SPTA1: variants seen among roughly 807,000 people sequenced by gnomAD.
SPTA1 encodes the protein spectrin alpha chain, erythrocytic 1.
Under a neutral mutation model 324.7 loss-of-function variants are expected in SPTA1, and 177 were observed. The observed-to-expected ratio is 0.55, with a 90% CI of 0.48 to 0.62. The LOEUF is 0.62. Among genes scored for constraint, SPTA1 ranks in the 20% least tolerant of loss-of-function variants. SPTA1 has a pLI of 0.00. For missense variants in SPTA1, 3,162 were observed against 2,883.6 expected, an observed-to-expected ratio of 1.10 and a Z score of -2.21; for synonymous variants, 1,195 against 1,041.3, an observed-to-expected ratio of 1.15 and a Z score of -2.84.
At position 158,674,386 on chromosome 1, in the gene SPTA1, C is replaced by G. The variant is rs1300563890; in HGVS notation, c.1293G>C (p.Glu431Asp). The change falls in exon 10 of 52, where the codon GAG becomes GAC. Residue 431 changes from glutamate to aspartate, a missense_variant. Transcript: ENST00000643759. ...TGGCATTCACGAGGTCTTGACCAGT[C>G]TCATCAGCAGATTGAAATCGGTCAT... is the stretch of plus-strand genomic sequence containing the variant. The part of the protein sequence containing the change: ...SYDDRFQSAD[E>D]TGQDLVNANH... 1.2e-6 allele frequency: 2 copies of G among 1,614,108 alleles called. No homozygotes were observed. Among genetic ancestry groups the G allele is most frequent in the East Asian group, 2.2e-5 (1 of 44,888 alleles).
At chr1:158,630,719 T>G (rs1476860544) in intron 39 of SPTA1, among the ~76,000 whole-genome samples, 1 of 151,878 alleles carries the variant, frequency 6.6e-6, no homozygotes, top group Non-Finnish European at 1.5e-5. Context: ...GAATGAGAGT[T>G]AATACTTATA....
intron 50 of SPTA1, 22 bp downstream of exon 50, chr1:158,613,699 T>A (rs1326609902): frequency 6.2e-7 from 1 of 1,613,602 alleles, no homozygotes; most frequent in Admixed American, 1.7e-5. Flanking sequence ...TGCTGCGGTC[T>A]GACCCTTAGT....
At chr1:158,625,942 T>C (rs1650237340) in intron 42 of SPTA1, among the ~76,000 whole-genome samples, 1 of 150,446 alleles carries the variant, frequency 6.6e-6, no homozygotes. Context: ...GTTGGTTGTC[T>C]AAAAAAAAAT....
chr1:158,612,838 A>T lies in SPTA1; in HGVS notation c.7113T>A (p.Ile2371=). The T allele has an allele frequency of 6.2e-7, 1 of 1,613,888 alleles. No individual in the cohort carries two copies. The highest frequency in any genetic ancestry group is 8.5e-7 in the Non-Finnish European group (1 of 1,179,826). ...GGACCTGCTTCATGTCTTCTTTGGT[A>T]ATATATGACTTGCCCTCTGCCAGGG... ...FQALAEGKSY[I]TKEDMKQALT... The change falls in exon 51 of 52, where the codon ATT becomes ATA. Residue 2371 remains isoleucine, a synonymous_variant. Coordinates refer to ENST00000643759, the MANE Select transcript of SPTA1 (RefSeq NM_003126.4).
chr1:158,681,477 G>A, intron 4 of SPTA1, 50 bp downstream of exon 4: 1 of 1,612,780 alleles, frequency 6.2e-7, no homozygotes, highest in Non-Finnish European at 8.5e-7. Context: ...TGGGGTACCT[G>A]GGACAGAGGA....
Position 158,657,460 on chromosome 1 carries a change from A to G in SPTA1, c.2805+17T>C. 4 of 1,495,582 alleles carry G rather than the reference A, an allele frequency of 2.7e-6. No homozygotes were observed. Among genetic ancestry groups the G allele is most frequent in the Non-Finnish European group, 3.7e-6 (4 of 1,077,570 alleles). The allele number at this position is 1,495,582 out of a possible 1,614,324, so 92.6% of individuals were successfully genotyped here. ...GTTTGTTGAGGATTCACAATGTTAAACCCACCCCCACCTTACCCCAGCTGC... is the reference window on the plus strand; with the variant it reads ...GTTTGTTGAGGATTCACAATGTTAAGCCCACCCCCACCTTACCCCAGCTGC... On this transcript the variant is annotated intron_variant, in intron 19 of 51. Transcript: ENST00000643759.
chr1:158,616,104 CTTT>C (rs982068904), intron 47 of SPTA1, among the ~76,000 whole-genome samples: 1 of 151,886 alleles, frequency 6.6e-6, no homozygotes, highest in Non-Finnish European at 1.5e-5. Flanking sequence ...TGCCTGACAT[CTTT>C]TTTTTAAGTT....
At chr1:158,666,035 G>A (rs1297734673) in intron 16 of SPTA1, among the ~76,000 whole-genome samples, 1 of 152,044 alleles carries the variant, frequency 6.6e-6, no homozygotes, top group East Asian at 1.9e-4. Context: ...AGCACCCCTG[G>A]CTAGATTGGA....
Position 158,685,166 on chromosome 1 carries a change from A to G in SPTA1, c.206T>C (p.Ile69Thr), listed in dbSNP as rs41273531. 1.9e-6 allele frequency: 3 copies of G among 1,613,744 alleles called. No homozygotes were observed. The highest frequency in any genetic ancestry group is 2.5e-6 in the Non-Finnish European group (3 of 1,179,842). The change falls in exon 2 of 52, where the codon ATC (isoleucine) becomes ACC (threonine). Residue 69 changes from isoleucine (I) to threonine (T), a missense_variant. Physicochemically the swap from Ile to Thr is moderately conservative, Grantham distance 89. Coordinates refer to ENST00000643759, the MANE Select transcript of SPTA1 (RefSeq NM_003126.4). ...GGTTAAGATATTGACTTTCTCCATG[A>G]TCCACTTCCCCAGATCATCTGCATC... ...KRDADDLGKW[I>T]MEKVNILTDK...
intron 1 of SPTA1, 125 bp from the exon 2 acceptor site, chr1:158,685,472 C>G: frequency 1.3e-5 from 18 of 1,348,126 alleles, no homozygotes; most frequent in Non-Finnish European, 1.9e-5. Context: ...TTTCTAGGGA[C>G]TATTGTCAGA....
At chr1:158,686,351 A>T in intron 1 of SPTA1, 143 bp downstream of exon 1, 1 of 659,982 alleles carries the variant, frequency 1.5e-6, no homozygotes, top group Middle Eastern at 4.3e-4. Flanking sequence ...GTTCACAAAA[A>T]ATAGTTAAAA....
chr1:158,638,745 C>CAAAAAAAAA (rs34072412), intron 35 of SPTA1, among the ~76,000 whole-genome samples: 2 of 92,192 alleles, frequency 2.2e-5, no homozygotes, highest in South Asian at 4.2e-4. Flanking sequence ...GAGCTGGTAC[C>CAAAAAAAAA]AAAAAAAAAA....
chr1:158,631,068 A>G lies in SPTA1; in HGVS notation c.5566-3345T>C, dbSNP rs558949519. On this transcript the variant is annotated intron_variant, in intron 39 of 51. Transcript: ENST00000643759. ...AACCACTATAAAAAACAGTATGGAG[A>G]TTCCTTAAAGAACTACCACTCAATT... Among the ~76,000 whole-genome samples, 7 of 152,256 alleles carry G rather than the reference A, an allele frequency of 4.6e-5. No homozygotes were observed. The South Asian group carries it at 1.4e-3, about 32-fold the overall frequency.
chr1:158,664,487 A>T (rs1571488888), intron 16 of SPTA1, among the ~76,000 whole-genome samples: 1 of 152,126 alleles, frequency 6.6e-6, no homozygotes, highest in Non-Finnish European at 1.5e-5. Flanking sequence ...ATGACAACAC[A>T]TGGACACAGG....
chr1:158,667,724 A>G (rs1653712128), intron 15 of SPTA1, 134 bp downstream of exon 15: 1 of 928,942 alleles, frequency 1.1e-6, no homozygotes, highest in South Asian at 1.7e-5. Flanking sequence ...TACCAATAAA[A>G]GAAAGACACA....
intron 10 of SPTA1, among the ~76,000 whole-genome samples, chr1:158,673,935 T>C (rs926324290): frequency 2.6e-5 from 4 of 152,206 alleles, no homozygotes; most frequent in East Asian, 1.9e-4. Flanking sequence ...AAAAATTCCA[T>C]CTGTACTGAG....
rs1476045310 is a variant in SPTA1, at chr1:158,614,244, T to G, written c.6842+9A>C. 1 of 1,571,628 alleles carries G rather than the reference T, an allele frequency of 6.4e-7. No individual in the cohort carries two copies. The highest frequency in any genetic ancestry group is 2.2e-5 in the East Asian group (1 of 44,598). On this transcript the variant is annotated intron_variant, in intron 49 of 51. Coordinates refer to ENST00000643759, the MANE Select transcript of SPTA1 (RefSeq NM_003126.4). Reference sequence around the variant, plus strand: ...ACAAAGAAGCAGTTAACTATGAAATTATACTCACTTATAGATTGTGCTAAA... The same window carrying G: ...ACAAAGAAGCAGTTAACTATGAAATGATACTCACTTATAGATTGTGCTAAA...
Position 158,661,535 on chromosome 1 carries a change from C to T in SPTA1, c.2465-126G>A, listed in dbSNP as rs536883710. On this transcript the variant is annotated intron_variant, in intron 17 of 51. Transcript: ENST00000643759. ...GAAGTTCTAACCATTGAGTAAGATT[C>T]TTTAAATTTATATCATCTGTCTGAT... is the stretch of plus-strand genomic sequence containing the variant. The T allele has an allele frequency of 7.2e-6, 9 of 1,257,240 alleles. No individual in the cohort carries two copies. In the South Asian group the frequency reaches 1.2e-4, roughly 16 times the overall value. The allele number at this position is 1,257,240 out of a possible 1,614,324, so 77.9% of individuals were successfully genotyped here.
chr1:158,670,496 A>G (rs538255212), intron 12 of SPTA1, among the ~76,000 whole-genome samples: 134 of 152,342 alleles, frequency 8.8e-4, no homozygotes, highest in Admixed American at 3.2e-3. Flanking sequence ...ATATTGATTT[A>G]AGATTAACAG....
Sources: allele counts gnomAD v4.1 joint callset (sites outside exome capture counted in the v4.1 genomes callset), GRCh38; gene constraint gnomAD v4.1.1; transcripts MANE v1.5; gene names NCBI Gene and HGNC (gene_info 2026-07-23, HGNC 2026-07-21).